SH3GL1: variants seen among roughly 807,000 people sequenced by gnomAD.
SH3GL1 encodes the protein SH3 domain containing GRB2 like 1, endophilin A2.
A neutral mutation model predicts 48.8 loss-of-function variants in SH3GL1; 21 were observed. The ratio of observed to expected loss-of-function variants is 0.43; its 90% confidence interval spans 0.30 to 0.62. The LOEUF is 0.62. Among genes scored for constraint, SH3GL1 ranks in the 20% least tolerant of loss-of-function variants. The pLI is 0.11. For synonymous variants in SH3GL1, 282 were observed against 217.5 expected (o/e 1.30, Z -2.61); for missense variants, 454 against 503.0 (o/e 0.90, Z 0.93).
chr19:4,379,437 A>AAT (rs1555742486), intron 1 of SH3GL1, among the ~76,000 whole-genome samples: 43 of 152,084 alleles, frequency 2.8e-4, no homozygotes, highest in African/African-American at 9.4e-4. Flanking sequence ...AAAAAAAAAA[A>AAT]AAAATAAAGC....
At position 4,376,206 on chromosome 19, in the gene SH3GL1, C is replaced by G. The variant is rs557225237; in HGVS notation, c.46-9212G>C. ...AACCATCTTCACCATCTCTAAGATCCCTTCCATTTCTGAAGGACTTCCATT... is the reference window on the plus strand; with the variant it reads ...AACCATCTTCACCATCTCTAAGATCGCTTCCATTTCTGAAGGACTTCCATT... On this transcript the variant is annotated intron_variant, in intron 1 of 9. Coordinates refer to ENST00000269886, the MANE Select transcript of SH3GL1 (RefSeq NM_003025.4). This position sits in a 1 kb window ranked among gnomAD's most constrained non-coding sequence, Gnocchi z 4.3. Among the ~76,000 whole-genome samples the G allele has an allele frequency of 2.0e-5, 3 of 152,306 alleles. No individual in the cohort carries two copies. Among genetic ancestry groups the G allele is most frequent in the African/African-American group, 7.2e-5 (3 of 41,564 alleles).
chr19:4,365,453 G>A, intron 4 of SH3GL1, 29 bp downstream of exon 4: 1 of 1,612,444 alleles, frequency 6.2e-7, no homozygotes, highest in South Asian at 1.1e-5. Context: ...CAGGGACGGT[G>A]GGCGTGGCTT....
intron 1 of SH3GL1, among the ~76,000 whole-genome samples, chr19:4,368,809 T>C (rs888834181): frequency 6.6e-6 from 1 of 152,158 alleles, no homozygotes. Context: ...CGGTGACTCA[T>C]GCCTGTAATC....
intron 1 of SH3GL1, among the ~76,000 whole-genome samples, chr19:4,382,160 C>A (rs1394800234): frequency 6.6e-6 from 1 of 152,074 alleles, no homozygotes; most frequent in African/African-American, 2.4e-5. Context: ...ATTGTCAGAG[C>A]TAGCAGGCGC....
intron 1 of SH3GL1, among the ~76,000 whole-genome samples, chr19:4,397,388 G>C (rs970914836): frequency 6.6e-6 from 1 of 152,200 alleles, no homozygotes; most frequent in African/African-American, 2.4e-5. Flanking sequence ...TCACAGATCT[G>C]AACGCAGGTC....
chr19:4,366,829 A>G lies in SH3GL1; in HGVS notation c.114+97T>C, dbSNP rs528611070. 243 of 1,263,522 alleles carry G rather than the reference A, an allele frequency of 1.9e-4. 2 individuals carry two copies. In the African/African-American group the frequency reaches 2.1e-3, roughly 11 times the overall value. 78.3% of individuals were successfully genotyped at this position (1,263,522 alleles called of 1,614,324 possible). A position where few individuals can be genotyped will look rare whatever the true frequency, so the allele number is the denominator to read the frequency against. ...CACCTGCCGGGCCCCATCACTCCAG[A>G]CCCAGGCCCATCAAGGTTGGCCGCC... is the stretch of plus-strand genomic sequence containing the variant. On this transcript the variant is annotated intron_variant, in intron 2 of 9. Transcript: ENST00000269886.
chr19:4,383,441 C>T (rs558501459), intron 1 of SH3GL1, among the ~76,000 whole-genome samples: 3 of 151,860 alleles, frequency 2.0e-5, no homozygotes, highest in East Asian at 1.9e-4. Flanking sequence ...ACTTTGTTGC[C>T]CATGCTGGTC....
At chr19:4,377,468 G>A (rs936295887) in intron 1 of SH3GL1, among the ~76,000 whole-genome samples, 2 of 152,372 alleles carry the variant, frequency 1.3e-5, no homozygotes, top group African/African-American at 2.4e-5. Context: ...GGTGACTCAT[G>A]CCCATGGTGG....
At chr19:4,369,465 T>C (rs1201803902) in intron 1 of SH3GL1, among the ~76,000 whole-genome samples, 1 of 152,168 alleles carries the variant, frequency 6.6e-6, no homozygotes, top group African/African-American at 2.4e-5. Context: ...CAGGACCCAG[T>C]GTGCAGGCTG....
intron 1 of SH3GL1, among the ~76,000 whole-genome samples, chr19:4,386,627 C>T (rs1973241099): frequency 1.3e-5 from 2 of 151,870 alleles, no homozygotes; most frequent in Non-Finnish European, 2.9e-5. Flanking sequence ...CACGAGCCAC[C>T]GTGCCCAACA....
At chr19:4,386,703 C>T (rs1973242302) in intron 1 of SH3GL1, among the ~76,000 whole-genome samples, 1 of 151,920 alleles carries the variant, frequency 6.6e-6, no homozygotes, top group South Asian at 2.1e-4. Context: ...TCCCCAGGCA[C>T]TCAGGACCTG....
At chr19:4,385,012 G>A (rs1407318297) in intron 1 of SH3GL1, among the ~76,000 whole-genome samples, 2 of 151,380 alleles carry the variant, frequency 1.3e-5, no homozygotes, top group East Asian at 1.9e-4. Flanking sequence ...GCTGAGGCAG[G>A]AGAATTGCTT....
At chr19:4,393,227 T>C (rs918231747) in intron 1 of SH3GL1, among the ~76,000 whole-genome samples, 1 of 151,484 alleles carries the variant, frequency 6.6e-6, no homozygotes, top group Admixed American at 6.6e-5. Flanking sequence ...CGCCACTGCA[T>C]TCCAGCCTGG....
chr19:4,385,747 G>C (rs1407089446), intron 1 of SH3GL1, among the ~76,000 whole-genome samples: 1 of 152,278 alleles, frequency 6.6e-6, no homozygotes, highest in East Asian at 1.9e-4. Flanking sequence ...GGAGAACACT[G>C]GAAAAATACA....
rs118128256 is a variant in SH3GL1, at chr19:4,377,841, G to A, written c.46-10847C>T. 6.9e-3 allele frequency among the ~76,000 whole-genome samples: 1,048 copies of A among 152,320 alleles called. 7 individuals are homozygous for A. The highest frequency in any genetic ancestry group is 0.013 in the Admixed American group (195 of 15,300). ...CACAGAGGAAGCAGGCAAATGGCCCGAGTCCCCCCACCATCTCCCCTGCAG... is the reference window on the plus strand; with the variant it reads ...CACAGAGGAAGCAGGCAAATGGCCCAAGTCCCCCCACCATCTCCCCTGCAG... On this transcript the variant is annotated intron_variant, in intron 1 of 9. Coordinates refer to ENST00000269886, the MANE Select transcript of SH3GL1 (RefSeq NM_003025.4).
chr19:4,362,709 C>A lies in SH3GL1; in HGVS notation c.756G>T (p.Lys252Asn), dbSNP rs988999691. 5.0e-6 allele frequency: 8 copies of A among 1,614,028 alleles called. No homozygotes were observed. Among genetic ancestry groups the A allele is most frequent in the Non-Finnish European group, 6.8e-6 (8 of 1,180,018 alleles). The stretch of plus-strand genomic sequence containing the variant: ...CCCGGGGCTTGGGCTTATACTCCCG[C>A]TTAGGGCGTGAGGAAGCTTCCCGCA... ...RRMREASSRP[K>N]REYKPKPREP... Residue 252 changes from lysine to asparagine, a missense_variant, in exon 8 of 10, where the codon AAG becomes AAT. Physicochemically the swap from Lys to Asn is moderately conservative, Grantham distance 94. Coordinates refer to ENST00000269886, the MANE Select transcript of SH3GL1 (RefSeq NM_003025.4).
chr19:4,387,226 G>A (rs940798882), intron 1 of SH3GL1, among the ~76,000 whole-genome samples: 5 of 151,732 alleles, frequency 3.3e-5, no homozygotes, highest in African/African-American at 7.3e-5. Flanking sequence ...ATGAGCCACC[G>A]CGCCTGGCCC....
chr19:4,387,681 T>C (rs1417238939), intron 1 of SH3GL1, among the ~76,000 whole-genome samples: 1 of 152,164 alleles, frequency 6.6e-6, no homozygotes, highest in Admixed American at 6.5e-5. Flanking sequence ...CTGTTGTATT[T>C]GTTATTCCAC....
At chr19:4,387,274 C>A (rs533297522) in intron 1 of SH3GL1, among the ~76,000 whole-genome samples, 105 of 151,380 alleles carry the variant, frequency 6.9e-4, no homozygotes, top group Non-Finnish European at 1.3e-3. Flanking sequence ...AAGGAACTTC[C>A]AGGTGGGCAC....
Sources: gnomAD v4.1 joint callset for allele counts (sites outside exome capture counted in the v4.1 genomes callset) on GRCh38, gnomAD v4.1.1 for gene constraint, Gnocchi (gnomAD v3.1) non-coding constraint, MANE v1.5 for transcripts, NCBI Gene and HGNC (gene_info 2026-07-23, HGNC 2026-07-21) for gene names.